The following USP5 variants were observed in gnomAD, a reference collection of about 807,000 sequenced individuals.
USP5 encodes ubiquitin carboxyl-terminal hydrolase 5.
Under a neutral mutation model 102.5 loss-of-function variants are expected in USP5, and 24 were observed. That is an observed-to-expected ratio of 0.23 (90% CI 0.17 to 0.33). USP5 has a LOEUF of 0.33. Ranked by LOEUF, USP5 falls within the 10% of genes least tolerant of loss-of-function variation. The probability of loss-of-function intolerance (pLI) is 1.00; values close to 1 mark genes in which losing one functional copy is unlikely to be tolerated. For synonymous variants in USP5, 460 were observed against 434.8 expected (o/e 1.06, Z -0.72); for missense variants, 753 against 1,122.1 (o/e 0.67, Z 4.70).
rs1158732517 is a variant in USP5, at chr12:6,852,307, C to T, written c.111+17C>T. 21 of 1,594,848 alleles carry T rather than the reference C, an allele frequency of 1.3e-5. No individual in the cohort carries two copies. The highest frequency in any genetic ancestry group is 1.8e-5 in the Non-Finnish European group (21 of 1,170,374). The stretch of plus-strand genomic sequence containing the variant: ...GACACGCCGGTAAGCCCATTCCCCA[C>T]GCCCGCAACGAGCACGACTTCCTTC... On this transcript the variant is annotated intron_variant, in intron 1 of 19. Coordinates refer to ENST00000229268, the MANE Select transcript of USP5 (RefSeq NM_001098536.2).
rs1015030337 is a variant in USP5, at chr12:6,863,731, T to C, written c.1955-99T>C. 8 of 1,463,136 alleles carry C rather than the reference T, an allele frequency of 5.5e-6. No homozygotes were observed. Among genetic ancestry groups the C allele is most frequent in the Admixed American group, 4.9e-5 (2 of 40,726 alleles). 90.6% of individuals were successfully genotyped at this position (1,463,136 alleles called of 1,614,324 possible). On this transcript the variant is annotated intron_variant, in intron 15 of 19. Coordinates refer to ENST00000229268, the MANE Select transcript of USP5 (RefSeq NM_001098536.2). The surrounding 1 kb of genome is among the most constrained non-coding windows in gnomAD (Gnocchi z 4.7). The stretch of plus-strand genomic sequence containing the variant: ...TGCCAATCCATGGGAGAAAAATGCA[T>C]GGAATGGGTGATTGGAAGAGGGCTG...
At position 6,860,911 on chromosome 12, in the gene USP5, C is replaced by G; in HGVS notation, c.1345-42C>G. On this transcript the variant is annotated intron_variant, in intron 11 of 19. Coordinates refer to ENST00000229268, the MANE Select transcript of USP5 (RefSeq NM_001098536.2). The surrounding 1 kb of genome is among the most constrained non-coding windows in gnomAD (Gnocchi z 5.5). ...TGAACCTTTCAGGCCCCATTCTGTT[C>G]CCTGGCTGCCCAGACCTCCCTACCC... 6.2e-7 allele frequency: 1 copy of G among 1,610,742 alleles called. No homozygotes were observed.
rs1159925978 is a variant in USP5, at chr12:6,866,100, A to G, written c.*23A>G. ...TAAGAGCCTGCCTCACCCCTTACCA[A>G]TGAGGGCAGGGGAAGACCACCTGGC... On this transcript the variant is annotated 3_prime_UTR_variant, in exon 20 of 20. Transcript: ENST00000229268. The surrounding 1 kb of genome is among the most constrained non-coding windows in gnomAD (Gnocchi z 4.7). 5 of 1,598,266 alleles carry G rather than the reference A, an allele frequency of 3.1e-6. No homozygotes were observed. The highest frequency in any genetic ancestry group is 3.3e-5 in the Admixed American group (2 of 59,944).
At position 6,856,017 on chromosome 12, in the gene USP5, G is replaced by A; in HGVS notation, c.305G>A (p.Gly102Asp). ...TCCCTCTTCTTCCCTATCCTTCCAG[G>A]TGTTGAAGGCGGATTTGACCTTAGC... The part of the protein sequence containing the change: ...PRKKPTRLAI[G>D]VEGGFDLSEE... The change falls in exon 4 of 20, where the codon GGT (glycine) becomes GAT (aspartate). Residue 102 changes from glycine (G) to aspartate (D), a missense_variant and splice_region_variant. This residue lies in a region of USP5 where 527 missense variants were observed against 816.5 expected (regional missense o/e 0.65). Coordinates refer to ENST00000229268, the MANE Select transcript of USP5 (RefSeq NM_001098536.2). This position sits in a 1 kb window ranked among gnomAD's most constrained non-coding sequence, Gnocchi z 5.6. 1.2e-6 allele frequency: 2 copies of A among 1,614,172 alleles called. No individual in the cohort carries two copies. The highest frequency in any genetic ancestry group is 1.7e-6 in the Non-Finnish European group (2 of 1,180,038).
Position 6,864,954 on chromosome 12 carries a change from C to G in USP5, c.2398+79C>G, listed in dbSNP as rs1555130488. On this transcript the variant is annotated intron_variant, in intron 18 of 19. Coordinates refer to ENST00000229268, the MANE Select transcript of USP5 (RefSeq NM_001098536.2). The surrounding 1 kb of genome is among the most constrained non-coding windows in gnomAD (Gnocchi z 4.8). ...CACCAGATCCCTCATTCAGGCAGCT[C>G]TGCCCTCCTCAGGAGTCAGGGGCTT... 9 of 1,545,658 alleles carry G rather than the reference C, an allele frequency of 5.8e-6. No homozygotes were observed. The highest frequency in any genetic ancestry group is 7.0e-6 in the Non-Finnish European group (8 of 1,143,836).
chr12:6,852,585 G>A (rs1555127181), intron 1 of USP5, among the ~76,000 whole-genome samples: 2 of 152,280 alleles, frequency 1.3e-5, no homozygotes, highest in Non-Finnish European at 1.5e-5. Flanking sequence ...CCGACCGTCG[G>A]ACTACATCCC....
chr12:6,866,170 G>C lies in USP5; in HGVS notation c.*93G>C. 1 of 1,204,858 alleles carries C rather than the reference G, an allele frequency of 8.3e-7. No homozygotes were observed. 74.6% of individuals were successfully genotyped at this position (1,204,858 alleles called of 1,614,324 possible). ...GGATGGACTTCAGCCCCTCTGCTCT[G>C]TACCCTTTTTCCTTTTGTCCCCGGC... On this transcript the variant is annotated 3_prime_UTR_variant, in exon 20 of 20. Transcript: ENST00000229268. The surrounding 1 kb of genome is among the most constrained non-coding windows in gnomAD (Gnocchi z 4.7).
Position 6,855,715 on chromosome 12 carries a change from C to A in USP5, c.238-40C>A. On this transcript the variant is annotated intron_variant, in intron 2 of 19. Transcript: ENST00000229268. The surrounding 1 kb of genome is among the most constrained non-coding windows in gnomAD (Gnocchi z 4.6). Reference sequence around the variant, plus strand: ...CCTCCTCCCGACTTGTTCCTTCGCTCGTGCTCATTGCTGATCCAGCCCTTC... The same window carrying A: ...CCTCCTCCCGACTTGTTCCTTCGCTAGTGCTCATTGCTGATCCAGCCCTTC... 6.2e-7 allele frequency: 1 copy of A among 1,613,090 alleles called. No individual in the cohort carries two copies. The highest frequency in any genetic ancestry group is 1.1e-5 in the South Asian group (1 of 91,026).
chr12:6,860,814 G>A lies in USP5; in HGVS notation c.1345-139G>A. 2 of 1,292,684 alleles carry A rather than the reference G, an allele frequency of 1.5e-6. No homozygotes were observed. The highest frequency in any genetic ancestry group is 2.2e-6 in the Non-Finnish European group (2 of 930,200). The allele number at this position is 1,292,684 out of a possible 1,614,324, so 80.1% of individuals were successfully genotyped here. On this transcript the variant is annotated intron_variant, in intron 11 of 19. Transcript: ENST00000229268. This position sits in a 1 kb window ranked among gnomAD's most constrained non-coding sequence, Gnocchi z 5.5. ...AAATGGGGAGGGGTTGGTGAATTAG[G>A]GAAGGTTTCTGCTCTGCTCTTGTGT... is the stretch of plus-strand genomic sequence containing the variant.
rs1943939646 is a variant in USP5 at position 6,852,398 on chromosome 12, G to A, written c.111+108G>A. 3.7e-6 allele frequency: 4 copies of A among 1,094,318 alleles called. 1 individual carries two copies. In the South Asian group the frequency reaches 5.7e-5, roughly 16 times the overall value. The allele number at this position is 1,094,318 out of a possible 1,614,324, so 67.8% of individuals were successfully genotyped here. On this transcript the variant is annotated intron_variant, in intron 1 of 19. Transcript: ENST00000229268. ...CTACCGCCTCCCTGCGATGCACCAT[G>A]GGACTTGTAGTCTCCCACGCTCCAC...
Position 6,863,194 on chromosome 12 carries a change from A to T in USP5, c.1771A>T (p.Ile591Phe). 6.2e-7 allele frequency: 1 copy of T among 1,611,786 alleles called. No homozygotes were observed. The highest frequency in any genetic ancestry group is 8.5e-7 in the Non-Finnish European group (1 of 1,178,838). Residue 591 changes from isoleucine (I) to phenylalanine (F), a missense_variant, in exon 15 of 20, where the codon ATC (isoleucine) becomes TTC (phenylalanine). Ile to Phe is a conservative substitution (Grantham distance 21). Coordinates refer to ENST00000229268, the MANE Select transcript of USP5 (RefSeq NM_001098536.2). This position sits in a 1 kb window ranked among gnomAD's most constrained non-coding sequence, Gnocchi z 4.7. ...DWVPKKLDVS[I>F]EMPEELDISQ... Reference sequence around the variant, plus strand: ...TGACCCTTTTCCCACAGATGTGTCCATCGAGATGCCAGAGGAGCTCGACAT... The same window carrying T: ...TGACCCTTTTCCCACAGATGTGTCCTTCGAGATGCCAGAGGAGCTCGACAT...
Position 6,861,001 on chromosome 12 carries a change from G to T in USP5, c.1393G>T (p.Val465Leu). 6.2e-7 allele frequency: 1 copy of T among 1,614,216 alleles called. No individual in the cohort carries two copies. Among genetic ancestry groups the T allele is most frequent in the Non-Finnish European group, 8.5e-7 (1 of 1,180,038 alleles). The stretch of plus-strand genomic sequence containing the variant: ...TCCTAATGAAGTGTTCCGCTTCTTG[G>T]TGGAGGAAAAGATCAAGTGCCTGGC... ...ENPNEVFRFL[V>L]EEKIKCLATE... is the part of the protein sequence containing the mutation. The change falls in exon 12 of 20, where the codon GTG becomes TTG. Residue 465 changes from valine to leucine, a missense_variant. Val to Leu is a conservative substitution (Grantham distance 32). Around this residue, in one of 3 missense-constraint regions of USP5, gnomAD observed 527 missense variants for 816.5 expected, o/e 0.65. Coordinates refer to ENST00000229268, the MANE Select transcript of USP5 (RefSeq NM_001098536.2). This position sits in a 1 kb window ranked among gnomAD's most constrained non-coding sequence, Gnocchi z 4.9.
chr12:6,861,467 A>G lies in USP5; in HGVS notation c.1523A>G (p.Lys508Arg), dbSNP rs782242694. 20 of 1,584,520 alleles carry G rather than the reference A, an allele frequency of 1.3e-5. No homozygotes were observed. Among genetic ancestry groups the G allele is most frequent in the Non-Finnish European group, 1.6e-5 (19 of 1,159,122 alleles). The part of the protein sequence containing the change: ...NKEELLEYEE[K>R]KRQAEEEKMA... ...GAGGAGCTTCTGGAGTACGAGGAGA[A>G]GAAGCGGCAAGCCGAAGAGGAGAAG... Residue 508 changes from lysine to arginine, a missense_variant, in exon 13 of 20, where the codon AAG (lysine) becomes AGG (arginine). By Grantham distance (26) the Lys-to-Arg change is conservative (BLOSUM62 2). Coordinates refer to ENST00000229268, the MANE Select transcript of USP5 (RefSeq NM_001098536.2). This position sits in a 1 kb window ranked among gnomAD's most constrained non-coding sequence, Gnocchi z 4.9.
chr12:6,857,592 C>T (rs1555128598), intron 6 of USP5, 37 bp from the exon 7 acceptor site: 1 of 1,588,250 alleles, frequency 6.3e-7, no homozygotes, highest in South Asian at 1.1e-5. Context: ...TAGTCCTGAG[C>T]CACTTCCCCT....
In USP5 at chr12:6,856,668, C is replaced by CG. The variant is rs1565530271; in HGVS notation, c.585-38dup. ...TCTCTCTGCCACTCCCTCAAATCCC[C>CG]GACCCACATTTCTGCTGATTCTCTT... On this transcript the variant is annotated intron_variant, in intron 5 of 19. Transcript: ENST00000229268. The surrounding 1 kb of genome is among the most constrained non-coding windows in gnomAD (Gnocchi z 5.6). 1 of 1,608,492 alleles carries CG rather than the reference C, an allele frequency of 6.2e-7. No individual in the cohort carries two copies. Among genetic ancestry groups the CG allele is most frequent in the Non-Finnish European group, 8.5e-7 (1 of 1,177,446 alleles).
Position 6,864,211 on chromosome 12 carries a change from G to T in USP5, c.2244+16G>T, listed in dbSNP as rs782676555. 1.9e-6 allele frequency: 3 copies of T among 1,585,216 alleles called. No homozygotes were observed. The highest frequency in any genetic ancestry group is 1.1e-5 in the South Asian group (1 of 87,498). Reference sequence around the variant, plus strand: ...GCGGGCCACGGTATGGGCTGCCCCAGCTAAGGACATGGGGCCAGTGGGGAA... The same window carrying T: ...GCGGGCCACGGTATGGGCTGCCCCATCTAAGGACATGGGGCCAGTGGGGAA... On this transcript the variant is annotated intron_variant, in intron 17 of 19. Transcript: ENST00000229268. This position sits in a 1 kb window ranked among gnomAD's most constrained non-coding sequence, Gnocchi z 4.8.
chr12:6,863,853 A>G lies in USP5; in HGVS notation c.1978A>G (p.Ile660Val), dbSNP rs1555130105. ...AGCGCCCATGCTGGATGAATCAGTC[A>G]TCATCCAGCTGGTGGAGATGGGATT... Reference protein sequence around the residue: ...PTSPMLDESVIIQLVEMGFPM... With the variant: ...PTSPMLDESVVIQLVEMGFPM... Residue 660 changes from isoleucine (I) to valine (V), a missense_variant, in exon 16 of 20, where the codon ATC (isoleucine) becomes GTC (valine). Around this residue, in one of 3 missense-constraint regions of USP5, gnomAD observed 193 missense variants for 230.2 expected, o/e 0.84. Coordinates refer to ENST00000229268, the MANE Select transcript of USP5 (RefSeq NM_001098536.2). The surrounding 1 kb of genome is among the most constrained non-coding windows in gnomAD (Gnocchi z 4.7). 1 of 1,605,310 alleles carries G rather than the reference A, an allele frequency of 6.2e-7. No individual in the cohort carries two copies. Among genetic ancestry groups the G allele is most frequent in the Non-Finnish European group, 8.5e-7 (1 of 1,174,716 alleles).
In USP5 at chr12:6,861,026, C is replaced by T. The variant is rs1555129427; in HGVS notation, c.1418C>T (p.Ala473Val). The T allele has an allele frequency of 6.2e-7, 1 of 1,614,226 alleles. No homozygotes were observed. The highest frequency in any genetic ancestry group is 2.2e-5 in the East Asian group (1 of 44,896). The stretch of plus-strand genomic sequence containing the variant: ...GTGGAGGAAAAGATCAAGTGCCTGG[C>T]CACAGAGAAGGTGAAGTACACCCAG... ...FLVEEKIKCL[A>V]TEKVKYTQRV... The change falls in exon 12 of 20, where the codon GCC (alanine) becomes GTC (valine). Residue 473 changes from alanine (A) to valine (V), a missense_variant. Physicochemically the swap from Ala to Val is moderately conservative, Grantham distance 64. Coordinates refer to ENST00000229268, the MANE Select transcript of USP5 (RefSeq NM_001098536.2). The surrounding 1 kb of genome is among the most constrained non-coding windows in gnomAD (Gnocchi z 4.9).
chr12:6,860,994 C>G lies in USP5; in HGVS notation c.1386C>G (p.Arg462=), dbSNP rs1555129419. The G allele has an allele frequency of 6.2e-7, 1 of 1,614,112 alleles. No homozygotes were observed. The highest frequency in any genetic ancestry group is 1.7e-5 in the Admixed American group (1 of 60,010). ...CTGAAAATCCTAATGAAGTGTTCCG[C>G]TTCTTGGTGGAGGAAAAGATCAAGT... is the stretch of plus-strand genomic sequence containing the variant. The part of the protein sequence containing the change: ...RSSENPNEVF[R]FLVEEKIKCL... Residue 462 remains arginine, a synonymous_variant, in exon 12 of 20, where the codon CGC becomes CGG. Coordinates refer to ENST00000229268, the MANE Select transcript of USP5 (RefSeq NM_001098536.2). The surrounding 1 kb of genome is among the most constrained non-coding windows in gnomAD (Gnocchi z 5.5).
Sources: gnomAD v4.1 joint callset for allele counts (sites outside exome capture counted in the v4.1 genomes callset) on GRCh38, gnomAD v4.1.1 for gene constraint, gnomAD v4.1.1 regional missense constraint, Gnocchi (gnomAD v3.1) non-coding constraint, MANE v1.5 for transcripts, NCBI Gene and HGNC (gene_info 2026-07-23, HGNC 2026-07-21) for gene names.